The following ATAD2B variants were observed in gnomAD, a reference collection of about 807,000 sequenced individuals.
ATAD2B encodes the protein ATPase family AAA domain containing 2B, also known as ATPase family AAA domain-containing protein 2B.
ATAD2B carries 40 observed loss-of-function variants against 167.6 expected under a neutral mutation model. The ratio of observed to expected loss-of-function variants is 0.24; its 90% CI spans 0.19 to 0.31. The LOEUF is 0.31. Ranked by LOEUF, ATAD2B falls within the 10% of genes least tolerant of loss-of-function variation. The probability of loss-of-function intolerance (pLI) is 1.00; values close to 1 mark genes in which losing one functional copy is unlikely to be tolerated. For synonymous variants in ATAD2B, 579 were observed against 596.5 expected, an observed-to-expected ratio of 0.97 and a Z score of 0.43; for missense variants, 1,242 against 1,757.2, an observed-to-expected ratio of 0.71 and a Z score of 5.24.
At chr2:23,902,380 C>T (rs576774238) in intron 1 of ATAD2B, among the ~76,000 whole-genome samples, 1 of 152,230 alleles carries the variant, frequency 6.6e-6, no homozygotes, top group African/African-American at 2.4e-5. Flanking sequence ...TAAGCAACCA[C>T]GATGTAAACA....
the ATAD2B span, among the ~76,000 whole-genome samples, chr2:23,724,692 G>A: frequency 6.6e-6 from 1 of 152,054 alleles, no homozygotes; most frequent in Non-Finnish European, 1.5e-5. Context: ...AGAAATCTAT[G>A]CCTAGATACA....
At chr2:23,801,163 T>C (rs965194879) in intron 18 of ATAD2B, among the ~76,000 whole-genome samples, 5 of 152,072 alleles carry the variant, frequency 3.3e-5, no homozygotes, top group African/African-American at 4.8e-5. Flanking sequence ...TCCCATTTTG[T>C]AATAAAAATT....
At position 23,863,637 on chromosome 2, in the gene ATAD2B, CCATAT is replaced by C. The variant is rs1694745193; in HGVS notation, c.1305-87_1305-83del. On this transcript the variant is annotated intron_variant, in intron 11 of 27. Coordinates refer to ENST00000238789, the MANE Select transcript of ATAD2B (RefSeq NM_017552.4). The stretch of plus-strand genomic sequence containing the variant: ...CAATTTTAAAAAATGTCCCCCCCTT[CCATAT>C]AATTTTGTATTGAAGTATAATTATT... The C allele has an allele frequency of 8.7e-6, 11 of 1,262,550 alleles. 1 individual carries two copies. In the African/African-American group the frequency reaches 1.5e-4, roughly 17 times the overall value. 78.2% of individuals were successfully genotyped at this position (1,262,550 alleles called of 1,614,324 possible). A position where few individuals can be genotyped will look rare whatever the true frequency, so the allele number is the denominator to read the frequency against.
intron 13 of ATAD2B, among the ~76,000 whole-genome samples, chr2:23,850,048 CAGG>C (rs1250764004): frequency 6.7e-6 from 1 of 148,416 alleles, no homozygotes; most frequent in Non-Finnish European, 1.5e-5. Context: ...GAGGCTGAGG[CAGG>C]AGAATGGCCT....
the ATAD2B span, among the ~76,000 whole-genome samples, chr2:23,701,476 G>C: frequency 2.6e-5 from 4 of 152,198 alleles, no homozygotes; most frequent in African/African-American, 9.7e-5. Flanking sequence ...ACTTTAGGAG[G>C]CCAAGGTGGG....
At chr2:23,907,712 G>A (rs1339860981) in intron 1 of ATAD2B, among the ~76,000 whole-genome samples, 3 of 152,164 alleles carry the variant, frequency 2.0e-5, no homozygotes, top group Non-Finnish European at 2.9e-5. Flanking sequence ...CAAAGCTGGA[G>A]GCATCACACT....
At chr2:23,841,847 A>G (rs1378561855) in intron 13 of ATAD2B, among the ~76,000 whole-genome samples, 2 of 152,178 alleles carry the variant, frequency 1.3e-5, no homozygotes, top group Non-Finnish European at 2.9e-5. Context: ...GCTGAATAAT[A>G]TTTCATTGTA....
At chr2:23,876,868 G>C (rs1313411477) in intron 7 of ATAD2B, among the ~76,000 whole-genome samples, 2 of 151,846 alleles carry the variant, frequency 1.3e-5, no homozygotes, top group Non-Finnish European at 2.9e-5. Context: ...AGGAGTTCAA[G>C]ACCAGCCTGA....
chr2:23,809,456 A>G (rs1209255646), intron 18 of ATAD2B, among the ~76,000 whole-genome samples: 1 of 152,174 alleles, frequency 6.6e-6, no homozygotes, highest in African/African-American at 2.4e-5. Context: ...GCTTTCAGTT[A>G]GATAATTACA....
intron 1 of ATAD2B, among the ~76,000 whole-genome samples, chr2:23,926,195 A>G (rs1357784683): frequency 1.3e-5 from 2 of 151,948 alleles, no homozygotes; most frequent in African/African-American, 4.8e-5. Flanking sequence ...CACTTCTCCA[A>G]CCCTTCCACC....
chr2:23,831,012 A>G (rs1688966189), intron 14 of ATAD2B, among the ~76,000 whole-genome samples: 1 of 152,166 alleles, frequency 6.6e-6, no homozygotes, highest in South Asian at 2.1e-4. Flanking sequence ...ATATAACCCA[A>G]TCAAAGTCAC....
intron 21 of ATAD2B, among the ~76,000 whole-genome samples, chr2:23,783,523 G>A (rs961129264): frequency 1.3e-5 from 2 of 151,728 alleles, no homozygotes; most frequent in Non-Finnish European, 2.9e-5. Flanking sequence ...CACTCCTTTG[G>A]AGTCATCACA....
At chr2:23,904,392 T>C (rs564909552) in intron 1 of ATAD2B, among the ~76,000 whole-genome samples, 1 of 152,272 alleles carries the variant, frequency 6.6e-6, no homozygotes, top group African/African-American at 2.4e-5. Context: ...GGGCAATGTC[T>C]GTGAAATGCG....
At chr2:23,679,931 T>C in the ATAD2B span, among the ~76,000 whole-genome samples, 18 of 151,616 alleles carry the variant, frequency 1.2e-4, no homozygotes, top group Admixed American at 5.2e-4. Flanking sequence ...AGTGGGGACG[T>C]GTGTGGGGTG....
At chr2:23,786,539 C>T (rs1459619987) in intron 20 of ATAD2B, among the ~76,000 whole-genome samples, 1 of 151,980 alleles carries the variant, frequency 6.6e-6, no homozygotes, top group Non-Finnish European at 1.5e-5. Context: ...GTAGCACAGT[C>T]GTATTTCTGT....
At chr2:23,884,960 C>A in intron 5 of ATAD2B, 87 bp from the exon 6 acceptor site, 2 of 623,406 alleles carry the variant, frequency 3.2e-6, no homozygotes, top group Non-Finnish European at 2.5e-6. Flanking sequence ...ACCTGCTCAA[C>A]AAAATTTATT....
At chr2:23,879,444 C>CA (rs945348655) in intron 7 of ATAD2B, among the ~76,000 whole-genome samples, 1 of 151,690 alleles carries the variant, frequency 6.6e-6, no homozygotes, top group East Asian at 1.9e-4. Flanking sequence ...CCTGTTTCTA[C>CA]AAAAAAAATT....
At chr2:23,772,607 C>G (rs193059787) in intron 22 of ATAD2B, among the ~76,000 whole-genome samples, 1 of 151,882 alleles carries the variant, frequency 6.6e-6, no homozygotes, top group Non-Finnish European at 1.5e-5. Context: ...CCAACACTAC[C>G]CTAAATTAAG....
the ATAD2B span, among the ~76,000 whole-genome samples, chr2:23,730,025 A>G: frequency 2.6e-5 from 4 of 152,238 alleles, no homozygotes; most frequent in Admixed American, 2.6e-4. Context: ...GAAGACCTGA[A>G]CAACATGAGC....
Sources: allele counts gnomAD v4.1 joint callset (sites outside exome capture counted in the v4.1 genomes callset), GRCh38; gene constraint gnomAD v4.1.1; transcripts MANE v1.5; gene names NCBI Gene and HGNC (gene_info 2026-07-23, HGNC 2026-07-21).